HEMK2: variants seen among roughly 807,000 people sequenced by gnomAD.
HEMK2 encodes the protein methyltransferase HEMK2.
the HEMK2 span, among the ~76,000 whole-genome samples, chr21:28,752,766 C>T: frequency 2.0e-5 from 3 of 152,044 alleles, no homozygotes; most frequent in Non-Finnish European, 4.4e-5. Context: ...AAAGCCAGCT[C>T]TACATGCCTC....
At chr21:28,765,022 G>A in the HEMK2 span, among the ~76,000 whole-genome samples, 1 of 152,056 alleles carries the variant, frequency 6.6e-6, no homozygotes, top group Non-Finnish European at 1.5e-5. Flanking sequence ...CTAACCAACT[G>A]AGTATGATGA....
chr21:28,579,568 C>A, the HEMK2 span, among the ~76,000 whole-genome samples: 1 of 151,876 alleles, frequency 6.6e-6, no homozygotes, highest in Non-Finnish European at 1.5e-5. Flanking sequence ...ATGTAGATGT[C>A]TATTTTTTAA....
At chr21:28,709,773 C>T in the HEMK2 span, among the ~76,000 whole-genome samples, 6 of 151,748 alleles carry the variant, frequency 4.0e-5, no homozygotes, top group East Asian at 9.7e-4. Context: ...AGGGCTGGGG[C>T]GAGAGGAAGA....
the HEMK2 span, among the ~76,000 whole-genome samples, chr21:28,803,858 T>G: frequency 2.0e-5 from 3 of 152,220 alleles, no homozygotes; most frequent in African/African-American, 7.2e-5. Context: ...AGGGTTGGGT[T>G]AGGGGAGGCA....
the HEMK2 span, among the ~76,000 whole-genome samples, chr21:28,834,210 T>C: frequency 5.9e-5 from 9 of 152,206 alleles, no homozygotes; most frequent in South Asian, 2.1e-4. Context: ...AGGTCTTGCA[T>C]TGTGAATTTT....
At chr21:28,614,400 C>A in the HEMK2 span, among the ~76,000 whole-genome samples, 5 of 149,606 alleles carry the variant, frequency 3.3e-5, no homozygotes, top group Non-Finnish European at 7.4e-5. Flanking sequence ...ATTCACTCTA[C>A]TGGTTTTCAT....
At chr21:28,695,324 T>C in the HEMK2 span, among the ~76,000 whole-genome samples, 1 of 152,144 alleles carries the variant, frequency 6.6e-6, no homozygotes, top group Non-Finnish European at 1.5e-5. Flanking sequence ...GACAGGTATT[T>C]GGGTTGTGGG....
chr21:28,751,939 A>G, the HEMK2 span, among the ~76,000 whole-genome samples: 1 of 152,156 alleles, frequency 6.6e-6, no homozygotes, highest in African/African-American at 2.4e-5. Flanking sequence ...TACAGGCATG[A>G]GCCACCATGC....
chr21:28,832,886 C>G, the HEMK2 span, among the ~76,000 whole-genome samples: 1 of 152,140 alleles, frequency 6.6e-6, no homozygotes, highest in Non-Finnish European at 1.5e-5. Flanking sequence ...GGAGTAACAC[C>G]CATGCACTAG....
At chr21:28,627,216 C>A in the HEMK2 span, among the ~76,000 whole-genome samples, 1 of 152,098 alleles carries the variant, frequency 6.6e-6, no homozygotes, top group Non-Finnish European at 1.5e-5. Flanking sequence ...GAGATCAGAG[C>A]AGTGCACTGC....
At chr21:28,863,410 TTATATA>T in the HEMK2 span, among the ~76,000 whole-genome samples, 51 of 38,952 alleles carry the variant, frequency 1.3e-3, no homozygotes, top group East Asian at 5.0e-3. Context: ...AAACTCCCTT[TTATATA>T]TATATATATA....
chr21:28,656,936 T>C, the HEMK2 span, among the ~76,000 whole-genome samples: 1 of 152,116 alleles, frequency 6.6e-6, no homozygotes, highest in Non-Finnish European at 1.5e-5. Flanking sequence ...CTAAGACTAC[T>C]GTAAACATTT....
At chr21:28,748,288 A>G in the HEMK2 span, among the ~76,000 whole-genome samples, 1 of 152,244 alleles carries the variant, frequency 6.6e-6, no homozygotes, top group Non-Finnish European at 1.5e-5. Context: ...TGTAAAATAA[A>G]CATTGAAATT....
At chr21:28,674,185 T>C in the HEMK2 span, among the ~76,000 whole-genome samples, 2 of 152,130 alleles carry the variant, frequency 1.3e-5, no homozygotes, top group Non-Finnish European at 2.9e-5. Flanking sequence ...AGTTTACAGA[T>C]GCCATGGCAA....
At chr21:28,856,202 G>T in the HEMK2 span, among the ~76,000 whole-genome samples, 1 of 151,916 alleles carries the variant, frequency 6.6e-6, no homozygotes. Context: ...ATCACTTGAG[G>T]GCAGAAGTTT....
At chr21:28,883,681 T>C in the HEMK2 span, among the ~76,000 whole-genome samples, 1 of 152,234 alleles carries the variant, frequency 6.6e-6, no homozygotes, top group Non-Finnish European at 1.5e-5. Flanking sequence ...TACTGTACTT[T>C]ATCTTTCCAT....
the HEMK2 span, among the ~76,000 whole-genome samples, chr21:28,605,862 C>G: frequency 1.3e-5 from 2 of 152,212 alleles, no homozygotes; most frequent in East Asian, 3.9e-4. Flanking sequence ...TGTCAAAATA[C>G]AGCAACAATA....
the HEMK2 span, among the ~76,000 whole-genome samples, chr21:28,660,360 T>C: frequency 6.6e-6 from 1 of 151,814 alleles, no homozygotes; most frequent in East Asian, 1.9e-4. Context: ...TACTTGTTCC[T>C]AATCTCAAAG....
At chr21:28,868,301 G>GT in the HEMK2 span, among the ~76,000 whole-genome samples, 6 of 152,302 alleles carry the variant, frequency 3.9e-5, no homozygotes, top group African/African-American at 1.2e-4. Flanking sequence ...GAATTTTACT[G>GT]TAAGTATAGG....
Sources: allele counts gnomAD v4.1 joint callset (sites outside exome capture counted in the v4.1 genomes callset), GRCh38; gene constraint gnomAD v4.1.1; transcripts MANE v1.5; gene names NCBI Gene and HGNC (gene_info 2026-07-23, HGNC 2026-07-21).